Variants in STK3 observed in about 807,000 individuals in gnomAD.
The protein encoded by STK3 is serine/threonine-protein kinase 3.
In STK3, 41 loss-of-function variants were observed where a neutral mutation model predicts 58.0. The ratio of observed to expected loss-of-function variants is 0.71; its 90% CI spans 0.55 to 0.92. The LOEUF is 0.92. Among genes scored for constraint, STK3 ranks in the 40% least tolerant of loss-of-function variants. The pLI, the probability that STK3 is intolerant of heterozygous loss-of-function variation, is 0.00. For missense variants in STK3, 479 were observed against 602.7 expected (o/e 0.79, Z 2.15); for synonymous variants, 170 against 191.0 (o/e 0.89, Z 0.91).
chr8:98,810,004 G>A (rs780876430), intron 1 of STK3, among the ~76,000 whole-genome samples: 2 of 152,156 alleles, frequency 1.3e-5, no homozygotes, highest in Admixed American at 6.5e-5. Flanking sequence ...TCCAACCATG[G>A]TGGAAGGCAA....
chr8:98,506,422 C>T (rs1479532322), intron 10 of STK3, among the ~76,000 whole-genome samples: 1 of 152,200 alleles, frequency 6.6e-6, no homozygotes, highest in East Asian at 1.9e-4. Flanking sequence ...TCCAACCAGT[C>T]CCAGTGAGAT....
intron 1 of STK3, among the ~76,000 whole-genome samples, chr8:98,902,607 C>CA (rs1375312146): frequency 2.6e-5 from 4 of 152,224 alleles, no homozygotes; most frequent in African/African-American, 9.6e-5. Flanking sequence ...TTCCCACTGT[C>CA]ACCGTCCTGG....
intron 3 of STK3, among the ~76,000 whole-genome samples, chr8:98,417,478 C>T (rs1254391041): frequency 6.6e-6 from 1 of 152,044 alleles, no homozygotes; most frequent in African/African-American, 2.4e-5. Context: ...TGTGCCACTG[C>T]ACTCCAGCCT....
chr8:98,851,238 A>G (rs1426745089), intron 3 of STK3, among the ~76,000 whole-genome samples: 2 of 152,222 alleles, frequency 1.3e-5, no homozygotes, highest in African/African-American at 2.4e-5. Flanking sequence ...TCTGTACTCC[A>G]GAGCCCAAAC....
intron 4 of STK3, among the ~76,000 whole-genome samples, chr8:98,725,520 T>C (rs1233795037): frequency 6.6e-6 from 1 of 152,182 alleles, no homozygotes; most frequent in Non-Finnish European, 1.5e-5. Flanking sequence ...AAGATCTCCA[T>C]ATAATACTGT....
chr8:98,700,072 G>A (rs1357256238), intron 6 of STK3, among the ~76,000 whole-genome samples: 2 of 152,218 alleles, frequency 1.3e-5, no homozygotes, highest in Non-Finnish European at 2.9e-5. Flanking sequence ...GGTAATGGCG[G>A]GCGCCCCTCC....
chr8:98,413,827 T>C, intron 3 of STK3: 1 of 587,440 alleles, frequency 1.7e-6, no homozygotes, highest in Non-Finnish European at 3.2e-6. Context: ...CACAAACCCC[T>C]CCCAGATGGG....
At chr8:98,536,207 C>G (rs940906603) in intron 9 of STK3, among the ~76,000 whole-genome samples, 1 of 152,104 alleles carries the variant, frequency 6.6e-6, no homozygotes. Flanking sequence ...TATCTATAAT[C>G]CCTAGCTTCC....
chr8:98,828,284 T>C (rs1056323174), upstream of STK3, among the ~76,000 whole-genome samples: 1 of 151,732 alleles, frequency 6.6e-6, no homozygotes, highest in Non-Finnish European at 1.5e-5. Context: ...CTCACTCCCA[T>C]CTTTTTGTGT....
In STK3 at chr8:98,893,469, A is replaced by G. The variant is rs1490763769; in HGVS notation, c.-78-9635T>C. 1.7e-3 allele frequency among the ~76,000 whole-genome samples: 162 copies of G among 97,140 alleles called. 2 individuals are homozygous for G. Among genetic ancestry groups the G allele is most frequent in the East Asian group, 6.8e-3 (23 of 3,392 alleles). The allele number at this position is 97,140 out of a possible 152,430, so 63.7% of individuals were successfully genotyped here. On this transcript the variant is annotated intron_variant, in intron 1 of 1. Transcript: ENST00000519420. ...AAGAAAGAAAGAAAGAAAGAAAGAA[A>G]GAAAGAAAGAAAGAAAGAGAAAGAA...
At chr8:98,478,094 C>G (rs1207420466) in intron 10 of STK3, among the ~76,000 whole-genome samples, 1 of 152,094 alleles carries the variant, frequency 6.6e-6, no homozygotes, top group Non-Finnish European at 1.5e-5. Context: ...GGCTCTTGGT[C>G]ACATGCTGCT....
At chr8:98,812,395 C>G (rs1426565865) in intron 1 of STK3, among the ~76,000 whole-genome samples, 1 of 152,120 alleles carries the variant, frequency 6.6e-6, no homozygotes, top group East Asian at 1.9e-4. Flanking sequence ...ACAACAGGTG[C>G]TGGAGAGGAA....
intron 6 of STK3, among the ~76,000 whole-genome samples, chr8:98,690,465 A>C (rs1824317995): frequency 6.6e-6 from 1 of 151,542 alleles, no homozygotes; most frequent in South Asian, 2.1e-4. Context: ...AAAAAAAAAA[A>C]CAACCTAGGA....
At chr8:98,773,065 A>G (rs1441026962) in intron 2 of STK3, among the ~76,000 whole-genome samples, 1 of 151,848 alleles carries the variant, frequency 6.6e-6, no homozygotes, top group Non-Finnish European at 1.5e-5. Context: ...GCAAGAATAT[A>G]TATGCATAGT....
chr8:98,869,204 C>A, intron 3 of STK3, among the ~76,000 whole-genome samples: 1 of 151,466 alleles, frequency 6.6e-6, no homozygotes, highest in Non-Finnish European at 1.5e-5. Flanking sequence ...GTGGATCACT[C>A]GAGCCCAGGA....
At chr8:98,942,541 T>C (rs1009451871) in exon 1 of STK3, 4 of 152,268 alleles carry the variant, frequency 2.6e-5, no homozygotes, top group Admixed American at 2.6e-4. Context: ...AAATTCTGCC[T>C]ACCCCTCGGG....
At chr8:98,881,378 G>A (rs72668426), downstream of STK3, 10,450 of 152,282 alleles carry the variant, frequency 0.069, 431 homozygotes, top group South Asian at 0.1. Context: ...GGGGAGAGAT[G>A]GATGAACAGG....
rs945319303 is a variant in STK3, at chr8:98,807,449, G to A, written c.26+18066C>T. Among the ~76,000 whole-genome samples, 12 of 151,990 alleles carry A rather than the reference G, an allele frequency of 7.9e-5. No individual in the cohort carries two copies. In the South Asian group the frequency reaches 1.9e-3, roughly 24 times the overall value. ...TTTTTTGTATTTTTAGTAGGGATGG[G>A]GTTTCGCCATGTTGGCCAGGCTGGT... On this transcript the variant is annotated intron_variant, in intron 1 of 10. Coordinates refer to ENST00000419617, the MANE Select transcript of STK3 (RefSeq NM_006281.4).
chr8:98,622,462 C>T (rs1266034412), intron 6 of STK3, among the ~76,000 whole-genome samples: 1 of 152,040 alleles, frequency 6.6e-6, no homozygotes, highest in African/African-American at 2.4e-5. Flanking sequence ...CCAAAGCAAT[C>T]TAAAAGTAAC....
Sources: allele counts gnomAD v4.1 joint callset (sites outside exome capture counted in the v4.1 genomes callset), GRCh38; gene constraint gnomAD v4.1.1; transcripts MANE v1.5; gene names NCBI Gene and HGNC (gene_info 2026-07-23, HGNC 2026-07-21).